The following SHPK variants were observed in gnomAD, a reference collection of about 807,000 sequenced individuals.
SHPK encodes carbohydrate kinase-like protein.
Under a neutral mutation model 46.3 loss-of-function variants are expected in SHPK, and 51 were observed. That is an observed-to-expected ratio of 1.10 (90% CI 0.88 to 1.39). The LOEUF (loss-of-function observed/expected upper bound fraction) is 1.39, where lower values mean the gene tolerates loss of function less well. SHPK is among the 40% of genes most tolerant of loss of function. The pLI, the probability that SHPK is intolerant of heterozygous loss-of-function variation, is 0.00. For synonymous variants in SHPK, 290 were observed against 273.9 expected (o/e 1.06, Z -0.58); for missense variants, 668 against 641.3 (o/e 1.04, Z -0.45).
chr17:3,633,273 G>A (rs1272101045), intron 1 of SHPK, among the ~76,000 whole-genome samples: 1 of 151,758 alleles, frequency 6.6e-6, no homozygotes, highest in Non-Finnish European at 1.5e-5. Flanking sequence ...GAGCCACCGC[G>A]CCCGGCCACA....
At chr17:3,627,961 C>T (rs1467551639) in intron 2 of SHPK, among the ~76,000 whole-genome samples, 1 of 152,038 alleles carries the variant, frequency 6.6e-6, no homozygotes, top group African/African-American at 2.4e-5. Flanking sequence ...ACGGCCCCGG[C>T]GGGTCTGATG....
chr17:3,617,288 A>T (rs1317826998), intron 5 of SHPK, among the ~76,000 whole-genome samples: 1 of 152,156 alleles, frequency 6.6e-6, no homozygotes, highest in African/African-American at 2.4e-5. Flanking sequence ...CTTGGCACTC[A>T]CTGCTTCCTG....
intron 4 of SHPK, among the ~76,000 whole-genome samples, chr17:3,622,845 C>T (rs974786025): frequency 1.3e-5 from 2 of 151,874 alleles, no homozygotes; most frequent in African/African-American, 4.8e-5. Context: ...GCTGGGATTA[C>T]AGGCGCACTC....
rs769640623 is a variant in SHPK, at chr17:3,615,325, G to A, written c.1024+12C>T. ...AGGCAGAGAACACAGCGCTGTGTGG[G>A]CCACACCTTACCTAGATCTGCCATC... On this transcript the variant is annotated intron_variant, in intron 6 of 6. Transcript: ENST00000225519. 3.1e-6 allele frequency: 5 copies of A among 1,613,250 alleles called. No homozygotes were observed. The highest frequency in any genetic ancestry group is 4.2e-6 in the Non-Finnish European group (5 of 1,179,332).
intron 1 of SHPK, 64 bp from the exon 2 acceptor site, chr17:3,630,410 TC>T: frequency 6.7e-7 from 1 of 1,483,298 alleles, no homozygotes; most frequent in South Asian, 1.3e-5. Context: ...GGCGCAGGCC[TC>T]CCGGGATGTC....
Position 3,610,887 on chromosome 17 carries a change from CG to C in SHPK, c.1109del (p.Pro370ArgfsTer16). 1 of 1,613,854 alleles carries C rather than the reference CG, an allele frequency of 6.2e-7. No homozygotes were observed. The highest frequency in any genetic ancestry group is 2.2e-5 in the East Asian group (1 of 44,872). On this transcript the variant is annotated frameshift_variant, in exon 7 of 7. Transcript: ENST00000225519. LOFTEE classifies it high-confidence loss of function. ...QQRDTHLTIT[P>X]TVLGERHLPD... ...GCAGGTGCCTCTCCCCCAGCACTGT[CG>C]GGGTGATGGTCAGGTGGGTATCTCT...
At chr17:3,630,165 G>T in intron 2 of SHPK, 40 bp downstream of exon 2, 1 of 1,612,674 alleles carries the variant, frequency 6.2e-7, no homozygotes, top group South Asian at 1.1e-5. Context: ...TTCTGGAAGT[G>T]ACTGCTACCA....
At chr17:3,617,448 T>C (rs2075376271) in intron 5 of SHPK, among the ~76,000 whole-genome samples, 1 of 152,122 alleles carries the variant, frequency 6.6e-6, no homozygotes, top group Non-Finnish European at 1.5e-5. Flanking sequence ...GAAGGGAAGC[T>C]TCAGGTGTCC....
intron 5 of SHPK, chr17:3,619,769 T>C: frequency 2.4e-6 from 1 of 423,058 alleles, no homozygotes; most frequent in Non-Finnish European, 4.6e-6. Context: ...GAATGATTTG[T>C]AGATGGCATC....
rs1432092476 is a variant in SHPK at position 3,630,107 on chromosome 17, C to A, written c.310+98G>T. On this transcript the variant is annotated intron_variant, in intron 2 of 6. Transcript: ENST00000225519. ...AAGAAACAAGACCCTATTCCCACTGCAGGATAACCCGACCCTTCACAGAAA... is the reference window on the plus strand; with the variant it reads ...AAGAAACAAGACCCTATTCCCACTGAAGGATAACCCGACCCTTCACAGAAA... 14 of 1,468,292 alleles carry A rather than the reference C, an allele frequency of 9.5e-6. No individual in the cohort carries two copies. The East Asian group carries it at 3.2e-4, about 33-fold the overall frequency. 91.0% of individuals were successfully genotyped at this position (1,468,292 alleles called of 1,614,324 possible). A position where few individuals can be genotyped will look rare whatever the true frequency, so the allele number is the denominator to read the frequency against.
intron 6 of SHPK, among the ~76,000 whole-genome samples, chr17:3,612,050 T>C (rs2075343206): frequency 6.6e-6 from 1 of 151,546 alleles, no homozygotes; most frequent in Non-Finnish European, 1.5e-5. Context: ...GTGATCTACC[T>C]GCCTCAGCCT....
intron 1 of SHPK, among the ~76,000 whole-genome samples, chr17:3,635,157 G>A (rs866707495): frequency 3.4e-5 from 5 of 145,032 alleles, no homozygotes; most frequent in East Asian, 2.1e-4. Context: ...GGGCAACAGA[G>A]CGAGACTTGG....
chr17:3,633,647 G>C (rs1476034550), intron 1 of SHPK, among the ~76,000 whole-genome samples: 3 of 152,130 alleles, frequency 2.0e-5, no homozygotes, highest in African/African-American at 4.8e-5. Flanking sequence ...TGTAAGCACA[G>C]AACAGCCTGC....
Position 3,623,341 on chromosome 17 carries a change from C to T in SHPK, c.645G>A (p.Glu215=), listed in dbSNP as rs756928157. ...FNTQSQSWNV[E]TLRSSGFPVH... is the part of the protein sequence containing the mutation. ...GCCTGCAAGGATGTGATACTCACGT[C>T]TCTACGTTCCAGCTTTGGCTCTGCG... The change falls in exon 4 of 7, where the codon GAG becomes GAA. Residue 215 remains glutamate (E), a splice_region_variant and synonymous_variant. Transcript: ENST00000225519. 1 of 1,614,172 alleles carries T rather than the reference C, an allele frequency of 6.2e-7. No individual in the cohort carries two copies. The highest frequency in any genetic ancestry group is 1.1e-5 in the South Asian group (1 of 91,084).
Position 3,610,932 on chromosome 17 carries a change from A to G in SHPK, c.1065T>C (p.Ile355=), listed in dbSNP as rs751237422. Residue 355 remains isoleucine (I), a synonymous_variant, in exon 7 of 7, where the codon ATT becomes ATC. Coordinates refer to ENST00000225519, the MANE Select transcript of SHPK (RefSeq NM_013276.4). The part of the protein sequence containing the change: ...VEESTVYSRM[I]QAAVQQRDTH... The stretch of plus-strand genomic sequence containing the variant: ...TATCTCTCTGCTGCACAGCTGCCTG[A>G]ATCATGCGTGAATACACAGTGGATT... 1.2e-6 allele frequency: 2 copies of G among 1,613,568 alleles called. No homozygotes were observed. The highest frequency in any genetic ancestry group is 1.7e-6 in the Non-Finnish European group (2 of 1,179,708).
intron 6 of SHPK, among the ~76,000 whole-genome samples, chr17:3,611,307 G>A (rs1356734540): frequency 2.6e-5 from 4 of 152,166 alleles, no homozygotes; most frequent in Admixed American, 1.3e-4. Context: ...GGTGGCTCAC[G>A]CCTGTAATCC....
At chr17:3,619,526 A>C (rs908768072) in intron 5 of SHPK, 16 of 565,658 alleles carry the variant, frequency 2.8e-5, no homozygotes. Context: ...CAAGGTGAAG[A>C]GATTGAGACC....
intron 4 of SHPK, chr17:3,622,735 C>T (rs777997701): frequency 2.8e-5 from 7 of 253,644 alleles, no homozygotes; most frequent in African/African-American, 7.5e-5. Flanking sequence ...ACAAGAGTCT[C>T]GCTCTGTCCC....
intron 2 of SHPK, among the ~76,000 whole-genome samples, chr17:3,625,259 C>A (rs1411055143): frequency 6.6e-6 from 1 of 152,208 alleles, no homozygotes; most frequent in Non-Finnish European, 1.5e-5. Context: ...CACTACTCCT[C>A]CCATTAAGAG....
Sources: allele counts gnomAD v4.1 joint callset (sites outside exome capture counted in the v4.1 genomes callset), GRCh38; gene constraint gnomAD v4.1.1; transcripts MANE v1.5; gene names NCBI Gene and HGNC (gene_info 2026-07-23, HGNC 2026-07-21).